The following CLEC16A variants were observed in gnomAD, a reference collection of about 807,000 sequenced individuals.
CLEC16A encodes the protein protein CLEC16A.
A neutral mutation model predicts 109.5 loss-of-function variants in CLEC16A; 51 were observed. The ratio of observed to expected loss-of-function variants is 0.47; its 90% confidence interval spans 0.37 to 0.59. The LOEUF (loss-of-function observed/expected upper bound fraction) is 0.59, where lower values mean the gene tolerates loss of function less well. CLEC16A is among the 20% of genes least tolerant of loss of function. The pLI is 0.00. For missense variants in CLEC16A, 1,339 were observed against 1,394.0 expected, an observed-to-expected ratio of 0.96 and a Z score of 0.63; for synonymous variants, 673 against 564.2, an observed-to-expected ratio of 1.19 and a Z score of -2.73.
chr16:11,027,071 C>T, intron 13 of CLEC16A: 1 of 1,552,562 alleles, frequency 6.4e-7, no homozygotes, highest in Non-Finnish European at 8.8e-7. Flanking sequence ...CAGAAAATCT[C>T]CTGAAAAAGA....
At chr16:10,991,423 CAAAAAAAAAAAA>C (rs756161193) in intron 10 of CLEC16A, among the ~76,000 whole-genome samples, 81 of 63,380 alleles carry the variant, frequency 1.3e-3, no homozygotes, top group African/African-American at 3.2e-3. Context: ...GACTCCGTCT[CAAAAAAAAAAAA>C]AAAAAAAAAA....
At position 11,120,733 on chromosome 16, in the gene CLEC16A, C is replaced by T. The variant is rs1396596679; in HGVS notation, c.2235C>T (p.Gly745=). The change falls in exon 20 of 24, where the codon GGC becomes GGT. Residue 745 remains glycine (G), a synonymous_variant. Coordinates refer to ENST00000409790, the MANE Select transcript of CLEC16A (RefSeq NM_015226.3). ...SLVEPDVSRL[G]WGVVKFAGLL... is the part of the protein sequence containing the mutation. ...TGGAGCCTGATGTGTCCAGGCTTGG[C>T]TGGGGAGTGGTCAAGTTTGCAGGCC... 2.5e-6 allele frequency: 4 copies of T among 1,584,078 alleles called. No homozygotes were observed. In the Admixed American group the frequency reaches 7.3e-5, roughly 29 times the overall value.
At chr16:11,005,303 G>A (rs758668027) in intron 11 of CLEC16A, among the ~76,000 whole-genome samples, 1 of 152,180 alleles carries the variant, frequency 6.6e-6, no homozygotes, top group Non-Finnish European at 1.5e-5. Context: ...GGGGCTCCTG[G>A]AAGCTGTGCC....
chr16:10,972,520 C>T (rs1251927886), intron 5 of CLEC16A, 34 bp from the exon 6 acceptor site: 1 of 1,609,802 alleles, frequency 6.2e-7, no homozygotes. Flanking sequence ...TTTTGCTTTT[C>T]CTTCAATGAC....
chr16:11,034,682 G>T (rs561054513), intron 13 of CLEC16A, among the ~76,000 whole-genome samples: 3 of 152,332 alleles, frequency 2.0e-5, no homozygotes, highest in East Asian at 1.9e-4. Context: ...GGAACATGTG[G>T]TCTGCTGGAA....
Position 11,052,095 on chromosome 16 carries a change from C to A in CLEC16A, c.1995+454C>A, listed in dbSNP as rs534261595. Among the ~76,000 whole-genome samples the A allele has an allele frequency of 1.2e-4, 19 of 152,284 alleles. 1 individual carries two copies. In the South Asian group the frequency reaches 3.9e-3, roughly 32 times the overall value. ...CAGTCAAATTAAATGTGAATCTCACCAGCCTGCAGGACAGATATGTGTGAA... is the reference window on the plus strand; with the variant it reads ...CAGTCAAATTAAATGTGAATCTCACAAGCCTGCAGGACAGATATGTGTGAA... On this transcript the variant is annotated intron_variant, in intron 18 of 23. Coordinates refer to ENST00000409790, the MANE Select transcript of CLEC16A (RefSeq NM_015226.3).
chr16:11,075,692 C>T (rs777174481), intron 19 of CLEC16A, among the ~76,000 whole-genome samples: 23 of 152,056 alleles, frequency 1.5e-4, no homozygotes, highest in Non-Finnish European at 2.5e-4. Context: ...TTGCCTCAGC[C>T]TCCCAAAGTG....
At chr16:11,073,073 C>G (rs537715463) in intron 19 of CLEC16A, among the ~76,000 whole-genome samples, 1 of 152,178 alleles carries the variant, frequency 6.6e-6, no homozygotes, top group African/African-American at 2.4e-5. Context: ...CCTGGAGAAG[C>G]GGTTTGCTTA....
intron 19 of CLEC16A, among the ~76,000 whole-genome samples, chr16:11,065,458 A>C (rs1252397596): frequency 6.6e-6 from 1 of 152,252 alleles, no homozygotes; most frequent in Admixed American, 6.5e-5. Flanking sequence ...CCATTCATGC[A>C]TTCAGCTATT....
chr16:11,018,653 G>C (rs1353351106), intron 11 of CLEC16A, among the ~76,000 whole-genome samples: 1 of 151,788 alleles, frequency 6.6e-6, no homozygotes, highest in Non-Finnish European at 1.5e-5. Flanking sequence ...GGAGGCTGAG[G>C]CAGGAGAATG....
At chr16:11,111,873 T>A (rs1231502271) in intron 19 of CLEC16A, among the ~76,000 whole-genome samples, 1 of 152,270 alleles carries the variant, frequency 6.6e-6, no homozygotes, top group Non-Finnish European at 1.5e-5. Flanking sequence ...TTTATTTTAA[T>A]AGAATACAAA....
intron 20 of CLEC16A, among the ~76,000 whole-genome samples, chr16:11,123,416 C>G (rs534085354): frequency 6.6e-6 from 1 of 152,276 alleles, no homozygotes; most frequent in South Asian, 2.1e-4. Context: ...TGTGGTGTTA[C>G]CTGTGGCCCC....
At chr16:10,988,956 C>G (rs1328334833) in intron 10 of CLEC16A, among the ~76,000 whole-genome samples, 3 of 152,198 alleles carry the variant, frequency 2.0e-5, no homozygotes, top group Non-Finnish European at 4.4e-5. Context: ...ACCTTCTTCC[C>G]TGGGCTTACG....
At chr16:11,071,276 G>C (rs1275499813) in intron 19 of CLEC16A, among the ~76,000 whole-genome samples, 1 of 152,180 alleles carries the variant, frequency 6.6e-6, no homozygotes, top group Non-Finnish European at 1.5e-5. Context: ...CCCAGGCATT[G>C]TCATGTGCCT....
chr16:11,002,348 G>A (rs1201878831), intron 10 of CLEC16A, among the ~76,000 whole-genome samples: 1 of 151,672 alleles, frequency 6.6e-6, no homozygotes, highest in Non-Finnish European at 1.5e-5. Flanking sequence ...AGCTGCTGCT[G>A]GTAAAGTGCA....
intron 22 of CLEC16A, among the ~76,000 whole-genome samples, chr16:11,150,983 T>C (rs1426735399): frequency 3.3e-5 from 5 of 152,198 alleles, no homozygotes; most frequent in Admixed American, 6.5e-5. Flanking sequence ...CACAGACATA[T>C]TGGATTAGGA....
chr16:10,986,923 G>A (rs1187705547), intron 10 of CLEC16A, among the ~76,000 whole-genome samples: 1 of 151,440 alleles, frequency 6.6e-6, no homozygotes, highest in East Asian at 1.9e-4. Flanking sequence ...GCGTGATCTC[G>A]GCTCACTGCA....
intron 19 of CLEC16A, among the ~76,000 whole-genome samples, chr16:11,113,451 C>T (rs1272830901): frequency 6.6e-6 from 1 of 152,032 alleles, no homozygotes; most frequent in African/African-American, 2.4e-5. Flanking sequence ...CTTGAGCCAG[C>T]AGTTCGAGTC....
At position 10,982,903 on chromosome 16, in the gene CLEC16A, C is replaced by A; in HGVS notation, c.983C>A (p.Pro328Gln). Reference sequence around the variant, plus strand: ...GTCTTCTTAATTATACATCATGCACCGCTGGTGAACTCGTTAGCTGAAGTC... The same window carrying A: ...GTCTTCTTAATTATACATCATGCACAGCTGGTGAACTCGTTAGCTGAAGTC... ...SQVFLIIHHA[P>Q]LVNSLAEVIL... Residue 328 changes from proline to glutamine, a missense_variant, in exon 10 of 24, where the codon CCG becomes CAG. Coordinates refer to ENST00000409790, the MANE Select transcript of CLEC16A (RefSeq NM_015226.3). 6.2e-6 allele frequency: 10 copies of A among 1,608,948 alleles called. No individual in the cohort carries two copies. Among genetic ancestry groups the A allele is most frequent in the Non-Finnish European group, 8.5e-6 (10 of 1,175,394 alleles).
Sources: gnomAD v4.1 joint callset for allele counts (sites outside exome capture counted in the v4.1 genomes callset) on GRCh38, gnomAD v4.1.1 for gene constraint, MANE v1.5 for transcripts, NCBI Gene and HGNC (gene_info 2026-07-23, HGNC 2026-07-21) for gene names.